SNTG1: variants seen among roughly 807,000 people sequenced by gnomAD.
The protein encoded by SNTG1 is gamma-1-syntrophin.
A neutral mutation model predicts 74.7 loss-of-function variants in SNTG1; 39 were observed. That is an observed-to-expected ratio of 0.52 (90% CI 0.40 to 0.68). The LOEUF (loss-of-function observed/expected upper bound fraction) is 0.68, where lower values mean the gene tolerates loss of function less well. Ranked by LOEUF, SNTG1 falls within the 30% of genes least tolerant of loss-of-function variation. The probability of loss-of-function intolerance (pLI) is 0.00; values close to 1 mark genes in which losing one functional copy is unlikely to be tolerated. For missense variants in SNTG1, 685 were observed against 609.5 expected, an observed-to-expected ratio of 1.12 and a Z score of -1.30; for synonymous variants, 254 against 217.1, an observed-to-expected ratio of 1.17 and a Z score of -1.49.
chr8:50,281,070 T>C (rs1429223614), intron 2 of SNTG1, among the ~76,000 whole-genome samples: 1 of 151,628 alleles, frequency 6.6e-6, no homozygotes, highest in Non-Finnish European at 1.5e-5. Flanking sequence ...AGAATTTTAA[T>C]TTCCCCATTA....
chr8:50,708,038 TAAAAATAC>T lies in SNTG1; in HGVS notation c.1192-841_1192-834del, dbSNP rs946508666. 13 of 270,866 alleles carry T rather than the reference TAAAAATAC, an allele frequency of 4.8e-5. No homozygotes were observed. The Admixed American group carries it at 6.4e-4, about 13-fold the overall frequency. 16.8% of individuals were successfully genotyped at this position (270,866 alleles called of 1,614,324 possible). A position where few individuals can be genotyped will look rare whatever the true frequency, so the allele number is the denominator to read the frequency against. On this transcript the variant is annotated intron_variant, in intron 16 of 18. Transcript: ENST00000642720. The stretch of plus-strand genomic sequence containing the variant: ...CAAGATGGTGAAACCCCGTCTCTAC[TAAAAATAC>T]AAAAATTAGCCAGGCACGGTGGCGG...
intron 9 of SNTG1, among the ~76,000 whole-genome samples, chr8:50,524,053 C>G (rs77822896): frequency 0.036 from 5,514 of 152,100 alleles, 342 homozygotes; most frequent in African/African-American, 0.13. Flanking sequence ...CCCTCTTTTC[C>G]TCTTTAGCTA....
At chr8:50,777,541 G>A (rs1040850520) in intron 18 of SNTG1, among the ~76,000 whole-genome samples, 8 of 151,216 alleles carry the variant, frequency 5.3e-5, no homozygotes, top group African/African-American at 1.9e-4. Context: ...TTCTAAGCAT[G>A]GTGATAATTG....
chr8:50,625,376 A>G (rs1179879200), intron 13 of SNTG1, among the ~76,000 whole-genome samples: 1 of 152,202 alleles, frequency 6.6e-6, no homozygotes. Flanking sequence ...AACGTTGTGA[A>G]GGATGCTGTC....
intron 12 of SNTG1, among the ~76,000 whole-genome samples, chr8:50,555,663 G>T (rs1183992579): frequency 6.6e-6 from 1 of 151,934 alleles, no homozygotes; most frequent in Non-Finnish European, 1.5e-5. Flanking sequence ...TGAATAGCTT[G>T]TTAATAATAG....
chr8:50,158,311 G>C (rs2082313142), intron 1 of SNTG1, among the ~76,000 whole-genome samples: 1 of 152,080 alleles, frequency 6.6e-6, no homozygotes, highest in African/African-American at 2.4e-5. Context: ...TTTTTAGCCT[G>C]TCTCTTAGGA....
At chr8:50,211,070 A>G (rs1318171949) in intron 2 of SNTG1, among the ~76,000 whole-genome samples, 5 of 152,138 alleles carry the variant, frequency 3.3e-5, no homozygotes, top group African/African-American at 4.8e-5. Flanking sequence ...AAGTTGGAAT[A>G]TGGGTGTTAC....
intron 1 of SNTG1, among the ~76,000 whole-genome samples, chr8:50,064,685 T>A (rs994269423): frequency 6.6e-6 from 1 of 152,140 alleles, no homozygotes; most frequent in Non-Finnish European, 1.5e-5. Context: ...CTTGAACACA[T>A]CCAGCTCTTT....
At chr8:50,751,772 G>C (rs1286017326) in intron 17 of SNTG1, among the ~76,000 whole-genome samples, 1 of 151,830 alleles carries the variant, frequency 6.6e-6, no homozygotes, top group Non-Finnish European at 1.5e-5. Context: ...TTATTTTTAT[G>C]CATTTTTGCA....
At chr8:50,362,568 C>T (rs2091990275) in intron 2 of SNTG1, among the ~76,000 whole-genome samples, 1 of 151,170 alleles carries the variant, frequency 6.6e-6, no homozygotes, top group African/African-American at 2.4e-5. Flanking sequence ...TAATTTTCTT[C>T]AGATGAGCAA....
chr8:50,301,707 C>A (rs972419574), intron 2 of SNTG1, among the ~76,000 whole-genome samples: 4 of 151,924 alleles, frequency 2.6e-5, no homozygotes, highest in Non-Finnish European at 4.4e-5. Context: ...CCTGGGATTG[C>A]CATTTTTGTT....
intron 2 of SNTG1, among the ~76,000 whole-genome samples, chr8:50,189,634 T>C (rs2083496082): frequency 6.6e-6 from 1 of 152,142 alleles, no homozygotes; most frequent in Non-Finnish European, 1.5e-5. Context: ...TTAACAACAT[T>C]CAAACTCCAG....
chr8:50,770,871 G>C (rs201958084), intron 18 of SNTG1, among the ~76,000 whole-genome samples: 1 of 152,064 alleles, frequency 6.6e-6, no homozygotes, highest in East Asian at 1.9e-4. Context: ...TGGTCTCTTT[G>C]CATATTCCCA....
chr8:50,398,853 C>A (rs2092763965), intron 3 of SNTG1, among the ~76,000 whole-genome samples: 1 of 152,092 alleles, frequency 6.6e-6, no homozygotes, highest in Non-Finnish European at 1.5e-5. Context: ...TCGCTCGAAC[C>A]CAGGAGGCAG....
chr8:50,668,960 T>C (rs1393974293), intron 15 of SNTG1, among the ~76,000 whole-genome samples: 2 of 152,106 alleles, frequency 1.3e-5, no homozygotes, highest in East Asian at 1.9e-4. Context: ...TGTGTCTTTA[T>C]AGCTGAATGA....
chr8:50,659,753 A>G (rs1486483239), intron 15 of SNTG1, among the ~76,000 whole-genome samples: 8 of 151,932 alleles, frequency 5.3e-5, no homozygotes, highest in Non-Finnish European at 1.2e-4. Context: ...GGGTCTGACA[A>G]TTTCTTAAAC....
intron 12 of SNTG1, among the ~76,000 whole-genome samples, chr8:50,557,092 G>T (rs902327946): frequency 3.9e-5 from 6 of 151,976 alleles, no homozygotes; most frequent in Non-Finnish European, 7.4e-5. Context: ...GGCCCTTTCT[G>T]CCCTGGAAAG....
intron 18 of SNTG1, among the ~76,000 whole-genome samples, chr8:50,788,720 T>A (rs1463525325): frequency 6.6e-6 from 1 of 152,050 alleles, no homozygotes; most frequent in African/African-American, 2.4e-5. Flanking sequence ...CAACACTTCC[T>A]GCTTTATCCT....
At chr8:49,974,640 T>A (rs1039875788) in intron 1 of SNTG1, among the ~76,000 whole-genome samples, 6 of 152,148 alleles carry the variant, frequency 3.9e-5, no homozygotes, top group African/African-American at 1.4e-4. Flanking sequence ...TGTGTGACTT[T>A]GTGGTTCCCT....
Sources: gnomAD v4.1 joint callset for allele counts (sites outside exome capture counted in the v4.1 genomes callset) on GRCh38, gnomAD v4.1.1 for gene constraint, MANE v1.5 for transcripts, NCBI Gene and HGNC (gene_info 2026-07-23, HGNC 2026-07-21) for gene names.